MYO7A: variants seen among roughly 807,000 people sequenced by gnomAD.
MYO7A encodes the protein myosin VIIA.
MYO7A carries 210 observed loss-of-function variants against 263.8 expected under a neutral mutation model. The observed-to-expected ratio is 0.80, with a 90% CI of 0.71 to 0.89. The LOEUF (loss-of-function observed/expected upper bound fraction) is 0.89, where lower values mean the gene tolerates loss of function less well. Among genes scored for constraint, MYO7A ranks in the 40% least tolerant of loss-of-function variants. The probability of loss-of-function intolerance (pLI) is 0.00; values close to 1 mark genes in which losing one functional copy is unlikely to be tolerated. For synonymous variants in MYO7A, 1,239 were observed against 1,197.3 expected (o/e 1.03, Z -0.72); for missense variants, 2,820 against 2,968.3 (o/e 0.95, Z 1.16).
rs1950739518 is a variant in MYO7A at position 77,130,593 on chromosome 11, G to A, written c.-42G>A. The A allele has an allele frequency of 6.2e-7, 1 of 1,610,866 alleles. No individual in the cohort carries two copies. The highest frequency in any genetic ancestry group is 1.7e-5 in the Admixed American group (1 of 59,734). On this transcript the variant is annotated 5_prime_UTR_variant, in exon 2 of 49. The change creates a new upstream start codon in the 5' untranslated region. Transcript: ENST00000409709. The stretch of plus-strand genomic sequence containing the variant: ...ACATGGTCTCTCTCCCTGCAGAACT[G>A]TGCCTGGCCCAGTGGGCAGCAGGAG...
intron 8 of MYO7A, among the ~76,000 whole-genome samples, chr11:77,158,011 A>G (rs1952658780): frequency 6.6e-6 from 1 of 152,016 alleles, no homozygotes; most frequent in Admixed American, 6.5e-5. Context: ...CTGGCCTGGC[A>G]TCAGTGACCT....
chr11:77,165,270 G>A (rs1953424040), intron 14 of MYO7A, among the ~76,000 whole-genome samples: 1 of 152,202 alleles, frequency 6.6e-6, no homozygotes, highest in South Asian at 2.1e-4. Context: ...TCTGTGCAGT[G>A]GCACTCCCCC....
chr11:77,194,202 T>C, intron 31 of MYO7A, 152 bp from the exon 32 acceptor site: 4 of 917,268 alleles, frequency 4.4e-6, no homozygotes, highest in Admixed American at 2.0e-5. Flanking sequence ...AAGAATTCCC[T>C]GGTGAATCAG....
intron 35 of MYO7A, 36 bp from the exon 36 acceptor site, chr11:77,201,412 T>C (rs1211793708): frequency 6.3e-7 from 1 of 1,590,832 alleles, no homozygotes. Flanking sequence ...TCAGCCTGTC[T>C]CTGCCCCCAT....
Position 77,180,458 on chromosome 11 carries a change from G to A in MYO7A, c.2671G>A (p.Glu891Lys). 1 of 1,612,388 alleles carries A rather than the reference G, an allele frequency of 6.2e-7. No homozygotes were observed. The highest frequency in any genetic ancestry group is 1.1e-5 in the South Asian group (1 of 91,018). ...GGAGATGAGCGCCAAGAAGGCCAAG[G>A]AGGAGGCCGAGCGCAAGCATCAGGT... ...RKEMSAKKAK[E>K]EAERKHQERL... is the part of the protein sequence containing the mutation. The change falls in exon 22 of 49, where the codon GAG (glutamate) becomes AAG (lysine). Residue 891 changes from glutamate (E) to lysine (K), a missense_variant. Glu to Lys is a moderately conservative substitution (Grantham distance 56, BLOSUM62 1). Coordinates refer to ENST00000409709, the MANE Select transcript of MYO7A (RefSeq NM_000260.4).
chr11:77,192,969 TGGAG>T (rs1770403618), intron 31 of MYO7A, among the ~76,000 whole-genome samples: 1 of 23,346 alleles, frequency 4.3e-5, no homozygotes, highest in Admixed American at 5.1e-4. Context: ...TTGGTGATGG[TGGAG>T]GTAGTTGTGA....
intron 31 of MYO7A, among the ~76,000 whole-genome samples, chr11:77,193,256 G>A (rs1433963187): frequency 2.1e-5 from 1 of 47,816 alleles, no homozygotes; most frequent in East Asian, 7.2e-4. Flanking sequence ...GTTAGTGATG[G>A]TGGTGGTGGT....
chr11:77,178,867 A>G (rs1555081939), intron 19 of MYO7A, among the ~76,000 whole-genome samples, 178 bp from the exon 20 acceptor site: 1 of 152,180 alleles, frequency 6.6e-6, no homozygotes, highest in Non-Finnish European at 1.5e-5. Context: ...CAGGGCAGGC[A>G]TTATTCTACA....
Position 77,194,474 on chromosome 11 carries a change from C to T in MYO7A, c.4273C>T (p.Leu1425=). 1 of 1,608,892 alleles carries T rather than the reference C, an allele frequency of 6.2e-7. No homozygotes were observed. The highest frequency in any genetic ancestry group is 8.5e-7 in the Non-Finnish European group (1 of 1,177,828). Residue 1425 remains leucine (L), a synonymous_variant, in exon 32 of 49, where the codon CTG becomes TTG. Transcript: ENST00000409709. ...TYIPDREITP[L]KTLEKWAQLA... is the part of the protein sequence containing the mutation. ...CATCCCCGACCGCGAGATCACGCCC[C>T]TGAAGACGCTGGAGAAGTGGGCCCA...
Position 77,134,833 on chromosome 11 carries a change from A to G in MYO7A, c.18+4181A>G, listed in dbSNP as rs1338130206. On this transcript the variant is annotated intron_variant, in intron 2 of 48. Transcript: ENST00000409709. The stretch of plus-strand genomic sequence containing the variant: ...AGTCTCACTCTGTCACCCAGGCTGG[A>G]GTGCAGTGGTGTGATTTCAGCTCAC... Among the ~76,000 whole-genome samples the G allele has an allele frequency of 3.0e-4, 41 of 134,772 alleles. 1 individual carries two copies. The South Asian group carries it at 9.3e-3, about 31-fold the overall frequency. The allele number at this position is 134,772 out of a possible 152,430, so 88.4% of individuals were successfully genotyped here. A position where few individuals can be genotyped will look rare whatever the true frequency, so the allele number is the denominator to read the frequency against.
rs1555051569 is a variant in MYO7A, at chr11:77,142,807, G to A, written c.117G>A (p.Val39=). The A allele has an allele frequency of 1.9e-6, 3 of 1,607,584 alleles. No individual in the cohort carries two copies. Among genetic ancestry groups the A allele is most frequent in the South Asian group, 2.2e-5 (2 of 89,196 alleles). The change falls in exon 3 of 49, where the codon GTG becomes GTA. Residue 39 remains valine, a synonymous_variant. Coordinates refer to ENST00000409709, the MANE Select transcript of MYO7A (RefSeq NM_000260.4). ...GCGACTCTGGGCAGGTCCAGGTGGTGGATGATGAAGACAATGTGAGTAGTC... is the reference window on the plus strand; with the variant it reads ...GCGACTCTGGGCAGGTCCAGGTGGTAGATGATGAAGACAATGTGAGTAGTC... ...KLCDSGQVQV[V]DDEDNEHWIS...
chr11:77,181,255 C>T (rs1394509045), intron 22 of MYO7A, 125 bp from the exon 23 acceptor site: 1 of 821,750 alleles, frequency 1.2e-6, no homozygotes, highest in Non-Finnish European at 1.9e-6. Context: ...TCCATTCTTC[C>T]CAGCGGTCAG....
At chr11:77,184,442 G>A in intron 26 of MYO7A, 146 bp from the exon 27 acceptor site, 2 of 688,826 alleles carry the variant, frequency 2.9e-6, no homozygotes, top group East Asian at 5.4e-5. Flanking sequence ...ACGTGGCAGG[G>A]GTAATGACAG....
chr11:77,182,262 G>C, intron 24 of MYO7A, 108 bp downstream of exon 24: 1 of 1,455,374 alleles, frequency 6.9e-7, no homozygotes, highest in Non-Finnish European at 9.4e-7. Flanking sequence ...GTCCCTGGGG[G>C]CCAGGGACCA....
At chr11:77,212,719 G>A in intron 46 of MYO7A, 2 of 584,992 alleles carry the variant, frequency 3.4e-6, no homozygotes, top group South Asian at 4.1e-5. Flanking sequence ...GGAGGCCCTT[G>A]GGCTGAGAGG....
chr11:77,148,007 C>G, intron 4 of MYO7A, 57 bp downstream of exon 4: 1 of 1,423,168 alleles, frequency 7.0e-7, no homozygotes, highest in Non-Finnish European at 9.3e-7. Context: ...GCCCCGCCCA[C>G]CTCGCCCCAC....
At chr11:77,159,888 G>A (rs1289281704) in intron 10 of MYO7A, among the ~76,000 whole-genome samples, 1 of 152,264 alleles carries the variant, frequency 6.6e-6, no homozygotes, top group Non-Finnish European at 1.5e-5. Flanking sequence ...GGAAAACTGA[G>A]ATGAATAAAG....
intron 37 of MYO7A, 72 bp downstream of exon 37, chr11:77,202,496 T>A: frequency 1.3e-6 from 2 of 1,507,614 alleles, no homozygotes; most frequent in Non-Finnish European, 1.8e-6. Flanking sequence ...TCTGGTCGTG[T>A]GCTGGGGCTG....
intron 15 of MYO7A, among the ~76,000 whole-genome samples, chr11:77,168,849 A>G (rs1953813019): frequency 6.6e-6 from 1 of 152,190 alleles, no homozygotes; most frequent in East Asian, 1.9e-4. Context: ...CAAGGTGCTC[A>G]CTGAGGTCAC....
Sources: allele counts gnomAD v4.1 joint callset (sites outside exome capture counted in the v4.1 genomes callset), GRCh38; gene constraint gnomAD v4.1.1; transcripts MANE v1.5; gene names NCBI Gene and HGNC (gene_info 2026-07-23, HGNC 2026-07-21).